FREM2: variants seen among roughly 807,000 people sequenced by gnomAD.
The protein encoded by FREM2 is FRAS1 related extracellular matrix 2, also known as FRAS1-related extracellular matrix protein 2.
In FREM2, 119 loss-of-function variants were observed where a neutral mutation model predicts 219.9. That is an observed-to-expected ratio of 0.54 (90% CI 0.47 to 0.63). The LOEUF is 0.63. Among genes scored for constraint, FREM2 ranks in the 30% least tolerant of loss-of-function variants. FREM2 has a pLI of 0.00. For synonymous variants in FREM2, 1,562 were observed against 1,522.8 expected (o/e 1.03, Z -0.60); for missense variants, 4,030 against 3,993.6 (o/e 1.01, Z -0.25).
chr13:38,861,446 G>C lies in FREM2; in HGVS notation c.7535G>C (p.Arg2512Pro). 1.3e-6 allele frequency: 2 copies of C among 1,551,598 alleles called. No homozygotes were observed. The highest frequency in any genetic ancestry group is 1.8e-6 in the Non-Finnish European group (2 of 1,128,756). Residue 2512 changes from arginine (R) to proline (P), a missense_variant, in exon 15 of 24, where the codon CGT becomes CCT. By Grantham distance (103) the Arg-to-Pro change is moderately radical. Around this residue, in one of 2 missense-constraint regions of FREM2, gnomAD observed 928 missense variants for 1,042.9 expected, o/e 0.89. Coordinates refer to ENST00000280481, the MANE Select transcript of FREM2 (RefSeq NM_207361.6). Reference protein sequence around the residue: ...ISREEGLCQPRVPGVVGAEPF... With the variant: ...ISREEGLCQPPVPGVVGAEPF... The stretch of plus-strand genomic sequence containing the variant: ...TTTTTTCAAGGTCTTTGTCAGCCCC[G>C]TGTACCTGGGGTTGTTGGAGCAGAG...
chr13:38,844,230 C>G (rs1295673470), intron 6 of FREM2, among the ~76,000 whole-genome samples: 3 of 152,016 alleles, frequency 2.0e-5, no homozygotes, highest in African/African-American at 4.8e-5. Flanking sequence ...CTTTCATATC[C>G]CTTTTATTTT....
At position 38,690,312 on chromosome 13, in the gene FREM2, T is replaced by G; in HGVS notation, c.2968T>G (p.Leu990Val). Residue 990 changes from leucine (L) to valine (V), a missense_variant, in exon 1 of 24, where the codon TTG becomes GTG. Around this residue, in one of 2 missense-constraint regions of FREM2, gnomAD observed 3,102 missense variants for 2,950.7 expected, o/e 1.05. Coordinates refer to ENST00000280481, the MANE Select transcript of FREM2 (RefSeq NM_207361.6). ...MLTFLLEDPP[L>V]YGEILVNGIP... ...GACTTTCCTCTTGGAAGATCCACCT[T>G]TGTATGGGGAAATCTTGGTCAATGG... 2 of 1,614,164 alleles carry G rather than the reference T, an allele frequency of 1.2e-6. No homozygotes were observed. The highest frequency in any genetic ancestry group is 1.7e-6 in the Non-Finnish European group (2 of 1,180,028).
rs115473463 is a variant in FREM2 at position 38,854,612 on chromosome 13, T to C, written c.6926-1514T>C. Among the ~76,000 whole-genome samples, 976 of 152,326 alleles carry C rather than the reference T, an allele frequency of 6.4e-3. 5 individuals are homozygous for C. The highest frequency in any genetic ancestry group is 0.022 in the African/African-American group (930 of 41,574). The stretch of plus-strand genomic sequence containing the variant: ...ATACAGGTCAAATCAAACAAATGAT[T>C]AGCTATTTTCTTCTCTGGAACAAGA... On this transcript the variant is annotated intron_variant, in intron 11 of 23. Coordinates refer to ENST00000280481, the MANE Select transcript of FREM2 (RefSeq NM_207361.6).
At position 38,688,447 on chromosome 13, in the gene FREM2, G is replaced by A. The variant is rs997099507; in HGVS notation, c.1103G>A (p.Gly368Asp). The A allele has an allele frequency of 1.2e-6, 2 of 1,614,024 alleles. No homozygotes were observed. The highest frequency in any genetic ancestry group is 1.3e-5 in the African/African-American group (1 of 75,026). The change falls in exon 1 of 24, where the codon GGC becomes GAC. Residue 368 changes from glycine to aspartate, a missense_variant. Physicochemically the swap from Gly to Asp is moderately conservative, Grantham distance 94 (BLOSUM62 -1). Around this residue, in one of 2 missense-constraint regions of FREM2, gnomAD observed 3,102 missense variants for 2,950.7 expected, o/e 1.05. Coordinates refer to ENST00000280481, the MANE Select transcript of FREM2 (RefSeq NM_207361.6). ...NLTSPFQPGQ[G>D]YLVSTDDRSL... The stretch of plus-strand genomic sequence containing the variant: ...ACTTCTCCATTCCAGCCTGGCCAGG[G>A]CTACTTGGTGAGCACCGATGATCGC...
intron 2 of FREM2, among the ~76,000 whole-genome samples, chr13:38,752,996 C>T (rs962941158): frequency 3.9e-5 from 6 of 152,078 alleles, no homozygotes; most frequent in Admixed American, 1.3e-4. Context: ...AATGTGTTGC[C>T]AGAGATCTAA....
chr13:38,750,434 C>A (rs188431759), intron 2 of FREM2, among the ~76,000 whole-genome samples: 10 of 137,450 alleles, frequency 7.3e-5, no homozygotes, highest in Non-Finnish European at 1.6e-5. Context: ...CAGTACCAAC[C>A]ATATTGCTGC....
In FREM2 at chr13:38,880,592, C is replaced by G. The variant is rs775186688; in HGVS notation, c.9315C>G (p.Pro3105=). 1 of 1,613,980 alleles carries G rather than the reference C, an allele frequency of 6.2e-7. No homozygotes were observed. The highest frequency in any genetic ancestry group is 8.5e-7 in the Non-Finnish European group (1 of 1,179,830). Reference sequence around the variant, plus strand: ...TCCTCCCCTGGGAGCTCAACAGCCCCAGCTCTGCAGTCAGCCTGGTCACTG... The same window carrying G: ...TCCTCCCCTGGGAGCTCAACAGCCCGAGCTCTGCAGTCAGCCTGGTCACTG... ...DGILPWELNS[P]SSAVSLVTVV... is the part of the protein sequence containing the mutation. The change falls in exon 24 of 24, where the codon CCC becomes CCG. Residue 3105 remains proline (P), a synonymous_variant. Coordinates refer to ENST00000280481, the MANE Select transcript of FREM2 (RefSeq NM_207361.6).
rs957334410 is a variant in FREM2, at chr13:38,825,794, A to T, written c.6020-20779A>T. 3.3e-5 allele frequency among the ~76,000 whole-genome samples: 5 copies of T among 152,076 alleles called. 1 individual carries two copies. In the South Asian group the frequency reaches 1.0e-3, roughly 31 times the overall value. On this transcript the variant is annotated intron_variant, in intron 6 of 23. Coordinates refer to ENST00000280481, the MANE Select transcript of FREM2 (RefSeq NM_207361.6). ...CCCATCACTCACAGGCTCTGCCATGAGCATCACTCATATCACCCTGACTCA... is the reference window on the plus strand; with the variant it reads ...CCCATCACTCACAGGCTCTGCCATGTGCATCACTCATATCACCCTGACTCA...
At chr13:38,811,340 A>G (rs1875467929) in intron 6 of FREM2, among the ~76,000 whole-genome samples, 1 of 151,782 alleles carries the variant, frequency 6.6e-6, no homozygotes, top group Non-Finnish European at 1.5e-5. Context: ...TTCTTCTACT[A>G]ATTTTGGTTT....
chr13:38,695,680 G>A (rs192487840), intron 1 of FREM2, among the ~76,000 whole-genome samples: 465 of 152,220 alleles, frequency 3.1e-3, no homozygotes, highest in African/African-American at 0.011. Flanking sequence ...AGTCAGCAGA[G>A]TTTACTGCAT....
intron 2 of FREM2, among the ~76,000 whole-genome samples, chr13:38,723,133 G>A (rs1347442973): frequency 6.6e-6 from 1 of 152,086 alleles, no homozygotes; most frequent in Non-Finnish European, 1.5e-5. Context: ...TGCTTGGGAG[G>A]CTGAGGCTGG....
At chr13:38,769,887 A>G (rs2137815194) in intron 4 of FREM2, 79 bp downstream of exon 4, 2 of 1,021,210 alleles carry the variant, frequency 2.0e-6, no homozygotes, top group African/African-American at 1.6e-5. Flanking sequence ...TATAGCTTAC[A>G]GTTTTAAATT....
At chr13:38,806,503 A>T (rs1875232096) in intron 6 of FREM2, among the ~76,000 whole-genome samples, 1 of 152,000 alleles carries the variant, frequency 6.6e-6, no homozygotes, top group South Asian at 2.1e-4. Context: ...GGCATGTAAA[A>T]CTTATGCTTA....
chr13:38,691,025 C>A lies in FREM2; in HGVS notation c.3681C>A (p.Phe1227Leu). The A allele has an allele frequency of 6.2e-7, 1 of 1,614,106 alleles. No homozygotes were observed. Among genetic ancestry groups the A allele is most frequent in the Non-Finnish European group, 8.5e-7 (1 of 1,179,996 alleles). The change falls in exon 1 of 24, where the codon TTC becomes TTA. Residue 1227 changes from phenylalanine to leucine, a missense_variant. Transcript: ENST00000280481. ...ATGTTCCCCTGGATGATTTAACTTTCACTATTACCCAATTCCCCACTCATG... is the reference window on the plus strand; with the variant it reads ...ATGTTCCCCTGGATGATTTAACTTTAACTATTACCCAATTCCCCACTCATG... ...DADVPLDDLTFTITQFPTHGH... is the reference protein window; with the variant it reads ...DADVPLDDLTLTITQFPTHGH...
chr13:38,688,585 T>C lies in FREM2; in HGVS notation c.1241T>C (p.Val414Ala). 1 of 1,613,570 alleles carries C rather than the reference T, an allele frequency of 6.2e-7. No individual in the cohort carries two copies. Among genetic ancestry groups the C allele is most frequent in the South Asian group, 1.1e-5 (1 of 91,042 alleles). The change falls in exon 1 of 24, where the codon GTA becomes GCA. Residue 414 changes from valine (V) to alanine (A), a missense_variant. Around this residue, in one of 2 missense-constraint regions of FREM2, gnomAD observed 3,102 missense variants for 2,950.7 expected, o/e 1.05. Transcript: ENST00000280481. The stretch of plus-strand genomic sequence containing the variant: ...CGCCTCTTTGAACTGGAATTGGAGG[T>C]AGTGGATCTAGAAGGAGCAGCTTCA... The part of the protein sequence containing the change: ...QERLFELELE[V>A]VDLEGAASDP...
At chr13:38,695,541 C>CA (rs1274851660) in intron 1 of FREM2, among the ~76,000 whole-genome samples, 4 of 152,162 alleles carry the variant, frequency 2.6e-5, no homozygotes, top group African/African-American at 9.7e-5. Context: ...AGATGCTGGG[C>CA]ATGCTAAACA....
At chr13:38,873,920 T>A (rs1401325870) in intron 17 of FREM2, among the ~76,000 whole-genome samples, 3 of 152,222 alleles carry the variant, frequency 2.0e-5, no homozygotes, top group African/African-American at 7.2e-5. Flanking sequence ...TTATTTCAAA[T>A]GTTTTAAGTC....
intron 6 of FREM2, among the ~76,000 whole-genome samples, chr13:38,822,545 T>A (rs997847202): frequency 6.6e-6 from 1 of 151,958 alleles, no homozygotes; most frequent in African/African-American, 2.4e-5. Context: ...GGGTCTAGCG[T>A]GCACGGTCTG....
At chr13:38,706,744 A>G (rs556816121) in intron 2 of FREM2, among the ~76,000 whole-genome samples, 1 of 152,342 alleles carries the variant, frequency 6.6e-6, no homozygotes, top group Admixed American at 6.5e-5. Context: ...GGTAATGAAT[A>G]AATTTTATTT....
Sources: gnomAD v4.1 joint callset for allele counts (sites outside exome capture counted in the v4.1 genomes callset) on GRCh38, gnomAD v4.1.1 for gene constraint, gnomAD v4.1.1 regional missense constraint, MANE v1.5 for transcripts, NCBI Gene and HGNC (gene_info 2026-07-23, HGNC 2026-07-21) for gene names.